OXCT1: variants seen among roughly 807,000 people sequenced by gnomAD.
OXCT1 encodes the protein 3-oxoacid CoA-transferase 1.
In OXCT1, 27 loss-of-function variants were observed where a neutral mutation model predicts 69.6. The ratio of observed to expected loss-of-function variants is 0.39; its 90% CI spans 0.29 to 0.54. The LOEUF is 0.54. Ranked by LOEUF, OXCT1 falls within the 20% of genes least tolerant of loss-of-function variation. OXCT1 has a pLI of 0.72. For synonymous variants in OXCT1, 202 were observed against 217.8 expected (o/e 0.93, Z 0.64); for missense variants, 437 against 650.2 (o/e 0.67, Z 3.57).
At chr5:41,807,940 C>T (rs1431657075) in intron 7 of OXCT1, among the ~76,000 whole-genome samples, 5 of 151,986 alleles carry the variant, frequency 3.3e-5, no homozygotes, top group Admixed American at 1.3e-4. Context: ...TTGTTAGCTT[C>T]CTAGGATCGT....
chr5:41,779,274 C>A (rs114099649), intron 13 of OXCT1, among the ~76,000 whole-genome samples: 1,797 of 152,132 alleles, frequency 0.012, 14 homozygotes, highest in Non-Finnish European at 0.019. Context: ...TTATTGAATC[C>A]AAGAACTTGA....
In OXCT1 at chr5:41,816,120, A is replaced by T. The variant is rs534278300; in HGVS notation, c.733-8682T>A. Among the ~76,000 whole-genome samples, 6 of 152,262 alleles carry T rather than the reference A, an allele frequency of 3.9e-5. No individual in the cohort carries two copies. In the East Asian group the frequency reaches 5.8e-4, roughly 15 times the overall value. On this transcript the variant is annotated intron_variant, in intron 7 of 16. Coordinates refer to ENST00000196371, the MANE Select transcript of OXCT1 (RefSeq NM_000436.4). The stretch of plus-strand genomic sequence containing the variant: ...TGACTCAACAGTCCCTAAATTTAAA[A>T]TTGTTTAGCACGTGCATTAGAAGAG...
intron 1 of OXCT1, among the ~76,000 whole-genome samples, chr5:41,868,665 G>T (rs1233790081): frequency 6.6e-6 from 1 of 151,510 alleles, no homozygotes; most frequent in African/African-American, 2.4e-5. Context: ...GGAGCTTGCA[G>T]TGAGCCGAGA....
chr5:41,830,308 G>A (rs188641166), intron 7 of OXCT1, among the ~76,000 whole-genome samples: 1 of 152,192 alleles, frequency 6.6e-6, no homozygotes, highest in East Asian at 1.9e-4. Context: ...GTGGAAGGAA[G>A]GTATTTCTTT....
At chr5:41,774,681 G>A (rs1440232077) in intron 13 of OXCT1, among the ~76,000 whole-genome samples, 3 of 152,142 alleles carry the variant, frequency 2.0e-5, no homozygotes, top group African/African-American at 7.2e-5. Flanking sequence ...GGATCACGAG[G>A]TCAGGAGATC....
chr5:41,855,392 A>G (rs1749382862), intron 3 of OXCT1, among the ~76,000 whole-genome samples: 1 of 152,174 alleles, frequency 6.6e-6, no homozygotes, highest in Non-Finnish European at 1.5e-5. Flanking sequence ...TGTATTTATG[A>G]GATGTTCACT....
intron 5 of OXCT1, among the ~76,000 whole-genome samples, chr5:41,848,604 G>A (rs1749037348): frequency 6.7e-6 from 1 of 148,946 alleles, no homozygotes; most frequent in African/African-American, 2.5e-5. Flanking sequence ...CAATGGAACA[G>A]AACAGAGCCC....
intron 9 of OXCT1, 42 bp downstream of exon 9, chr5:41,805,524 CA>C: frequency 7.5e-7 from 1 of 1,339,140 alleles, no homozygotes; most frequent in Non-Finnish European, 1.1e-6. Flanking sequence ...ATGGGAAAAG[CA>C]AAGGCTATGT....
At chr5:41,842,865 G>A (rs1748704539) in intron 5 of OXCT1, 84 bp from the exon 6 acceptor site, 2 of 935,272 alleles carry the variant, frequency 2.1e-6, no homozygotes, top group Admixed American at 3.4e-5. Context: ...TAGATAATAA[G>A]GATACAAGCC....
rs113782574 is a variant in OXCT1, at chr5:41,838,625, AT to A, written c.732+1825del. On this transcript the variant is annotated intron_variant, in intron 7 of 16. Coordinates refer to ENST00000196371, the MANE Select transcript of OXCT1 (RefSeq NM_000436.4). ...AAAGGTAAATTCAATTTCTCAGTCAATTTTTTTTTTTTTTTTTGAGACAGGG... is the reference window on the plus strand; with the variant it reads ...AAAGGTAAATTCAATTTCTCAGTCAATTTTTTTTTTTTTTTTGAGACAGGG... Among the ~76,000 whole-genome samples, 1,330 of 140,982 alleles carry A rather than the reference AT, an allele frequency of 9.4e-3. 5 individuals are homozygous for A. The highest frequency in any genetic ancestry group is 0.017 in the African/African-American group (642 of 38,540). 92.5% of individuals were successfully genotyped at this position (140,982 alleles called of 152,430 possible). A position where few individuals can be genotyped will look rare whatever the true frequency, so the allele number is the denominator to read the frequency against.
chr5:41,862,801 C>T lies in OXCT1; in HGVS notation c.79-51G>A, dbSNP rs553816859. 5 of 1,074,438 alleles carry T rather than the reference C, an allele frequency of 4.7e-6. No homozygotes were observed. The East Asian group carries it at 9.6e-5, about 21-fold the overall frequency. 66.6% of individuals were successfully genotyped at this position (1,074,438 alleles called of 1,614,324 possible). ...ATAATCATTTGGAGATACAGCTTTA[C>T]TTTGTGTGTGTAGCAATTTATTCAA... On this transcript the variant is annotated intron_variant, in intron 1 of 16. Transcript: ENST00000196371.
chr5:41,773,740 T>C (rs1003814664), intron 13 of OXCT1, among the ~76,000 whole-genome samples: 1 of 152,114 alleles, frequency 6.6e-6, no homozygotes, highest in Non-Finnish European at 1.5e-5. Context: ...AAACTTTAAC[T>C]CATTTCTTGA....
At chr5:41,765,956 A>C (rs1744577275) in intron 13 of OXCT1, among the ~76,000 whole-genome samples, 1 of 152,158 alleles carries the variant, frequency 6.6e-6, no homozygotes, top group Non-Finnish European at 1.5e-5. Context: ...AGGAGCTAAA[A>C]ATATATCTTT....
At chr5:41,849,968 C>A (rs1579875845) in intron 5 of OXCT1, 62 bp downstream of exon 5, 2 of 1,539,648 alleles carry the variant, frequency 1.3e-6, no homozygotes, top group East Asian at 4.5e-5. Flanking sequence ...GCCCAATGAT[C>A]CACCCAAAAT....
At chr5:41,800,634 G>A (rs989943472) in intron 11 of OXCT1, among the ~76,000 whole-genome samples, 10 of 151,444 alleles carry the variant, frequency 6.6e-5, no homozygotes, top group African/African-American at 2.4e-4. Context: ...TGAAATCACA[G>A]CAACCTGTCC....
At chr5:41,833,911 A>G (rs1190845889) in intron 7 of OXCT1, among the ~76,000 whole-genome samples, 2 of 151,924 alleles carry the variant, frequency 1.3e-5, no homozygotes, top group East Asian at 3.9e-4. Context: ...AAATACAAAA[A>G]ATTAGTTGGG....
Position 41,850,215 on chromosome 5 carries a change from A to C in OXCT1, c.415-36T>G, listed in dbSNP as rs763720206. On this transcript the variant is annotated intron_variant, in intron 4 of 16. Transcript: ENST00000196371. ...GCAACCAACACCCCATAAGTTCACT[A>C]AGCACACTTCTCTATGTGGACACAA... 3 of 1,611,184 alleles carry C rather than the reference A, an allele frequency of 1.9e-6. No individual in the cohort carries two copies. In the South Asian group the frequency reaches 3.3e-5, roughly 18 times the overall value.
chr5:41,810,075 GAA>G (rs1746890471), intron 7 of OXCT1, among the ~76,000 whole-genome samples: 2 of 151,470 alleles, frequency 1.3e-5, no homozygotes, highest in African/African-American at 4.9e-5. Context: ...GACAATCTAT[GAA>G]AAGAGTTTAA....
At chr5:41,769,980 G>A (rs1478804670) in intron 13 of OXCT1, among the ~76,000 whole-genome samples, 2 of 152,150 alleles carry the variant, frequency 1.3e-5, no homozygotes, top group East Asian at 3.9e-4. Flanking sequence ...GGCTGGTCTC[G>A]AACTCCTGAC....
Sources: allele counts gnomAD v4.1 joint callset (sites outside exome capture counted in the v4.1 genomes callset), GRCh38; gene constraint gnomAD v4.1.1; transcripts MANE v1.5; gene names NCBI Gene and HGNC (gene_info 2026-07-23, HGNC 2026-07-21).